The following DNA2 variants were observed in gnomAD, a reference collection of about 807,000 sequenced individuals.
DNA2 encodes DNA replication helicase/nuclease 2, also known as DNA replication ATP-dependent helicase/nuclease DNA2.
A neutral mutation model predicts 119.1 loss-of-function variants in DNA2; 101 were observed. That is an observed-to-expected ratio of 0.85 (90% CI 0.72 to 1.00). The LOEUF (loss-of-function observed/expected upper bound fraction) is 1.00. Ranked by LOEUF, DNA2 falls within the 50% of genes least tolerant of loss-of-function variation. The pLI, the probability that DNA2 is intolerant of heterozygous loss-of-function variation, is 0.00. For missense variants in DNA2, 1,121 were observed against 1,255.5 expected (o/e 0.89, Z 1.62); for synonymous variants, 366 against 424.4 (o/e 0.86, Z 1.69).
chr10:68,431,968 A>T lies in DNA2; in HGVS notation c.1877T>A (p.Leu626Ter). ...KDTVACILKG[L>*]NKPQRQAMKK... ...CATCGCTTGCCTCTGAGGCTTATTCAAACCTACATTTAAATTCAAAAATAA... is the reference window on the plus strand; with the variant it reads ...CATCGCTTGCCTCTGAGGCTTATTCTAACCTACATTTAAATTCAAAAATAA... The change falls in exon 13 of 21, where the codon TTG becomes TAG. Residue 626 changes from leucine (L) to a stop codon, truncating the protein, a stop_gained. Coordinates refer to ENST00000358410, the MANE Select transcript of DNA2 (RefSeq NM_001080449.3). LOFTEE classifies it high-confidence loss of function. 6.3e-7 allele frequency: 1 copy of T among 1,597,102 alleles called. No homozygotes were observed. The highest frequency in any genetic ancestry group is 1.1e-5 in the South Asian group (1 of 88,526).
At chr10:68,454,945 T>A (rs1291514005) in intron 5 of DNA2, among the ~76,000 whole-genome samples, 4 of 151,376 alleles carry the variant, frequency 2.6e-5, no homozygotes, top group Non-Finnish European at 4.4e-5. Context: ...TTAGGATTTT[T>A]TTTTTTTTTT....
chr10:68,439,455 C>T (rs750606053), intron 9 of DNA2, among the ~76,000 whole-genome samples: 1 of 152,100 alleles, frequency 6.6e-6, no homozygotes, highest in African/African-American at 2.4e-5. Flanking sequence ...AATCCCAGCA[C>T]TCTGGGAGGC....
intron 4 of DNA2, chr10:68,461,537 GA>G (rs149674568): frequency 2.6e-5 from 4 of 151,512 alleles, no homozygotes; most frequent in Non-Finnish European, 5.9e-5. Flanking sequence ...AAGAAAGAAA[GA>G]AAAAAAATGG....
At chr10:68,449,867 C>CATTGT (rs2133413280) in intron 6 of DNA2, among the ~76,000 whole-genome samples, 161 bp downstream of exon 6, 1 of 151,410 alleles carries the variant, frequency 6.6e-6, no homozygotes, top group South Asian at 2.1e-4. Context: ...GAGCTGAGAT[C>CATTGT]ACACCATTGC....
chr10:68,424,772 CCAGGTGTA>C (rs1417921978), intron 14 of DNA2: 2 of 1,365,134 alleles, frequency 1.5e-6, no homozygotes, highest in Admixed American at 3.4e-5. Flanking sequence ...GCAAGGTAGT[CCAGGTGTA>C]CAGAAAGAAA....
At position 68,416,537 on chromosome 10, in the gene DNA2, G is replaced by A. The variant is rs2051591655; in HGVS notation, c.3114+172C>T. 9 of 586,918 alleles carry A rather than the reference G, an allele frequency of 1.5e-5. 1 individual carries two copies. The highest frequency in any genetic ancestry group is 2.8e-5 in the East Asian group (1 of 35,774). The allele number at this position is 586,918 out of a possible 1,614,324, so 36.4% of individuals were successfully genotyped here. A position where few individuals can be genotyped will look rare whatever the true frequency, so the allele number is the denominator to read the frequency against. ...AAAAAAGGGTTATAGGCTGGGGGCC[G>A]TGGCTCACATCTGTAATCACAGCAC... On this transcript the variant is annotated intron_variant, in intron 20 of 20. Transcript: ENST00000358410.
chr10:68,459,198 CTTGTT>C lies in DNA2; in HGVS notation c.620_624del (p.Lys207ArgfsTer11). On this transcript the variant is annotated frameshift_variant, in exon 5 of 21. Coordinates refer to ENST00000358410, the MANE Select transcript of DNA2 (RefSeq NM_001080449.3). LOFTEE classifies it high-confidence loss of function. ...AACGAAGGAAGATAGTCCTCTACTTCTTGTTTTATTTCATCTTGACTTAGATTTAA... is the reference window on the plus strand; with the variant it reads ...AACGAAGGAAGATAGTCCTCTACTTCTTATTTCATCTTGACTTAGATTTAA... 1 of 1,567,594 alleles carries C rather than the reference CTTGTT, an allele frequency of 6.4e-7. No homozygotes were observed. Among genetic ancestry groups the C allele is most frequent in the Non-Finnish European group, 8.7e-7 (1 of 1,155,332 alleles).
chr10:68,416,619 G>T, intron 20 of DNA2, 90 bp downstream of exon 20: 1 of 1,342,724 alleles, frequency 7.4e-7, no homozygotes, highest in Non-Finnish European at 1.1e-6. Context: ...ACCAGCTTAA[G>T]CAACATAGTG....
In DNA2 at chr10:68,422,381, C is replaced by A; in HGVS notation, c.2541G>T (p.Glu847Asp). The A allele has an allele frequency of 1.2e-6, 2 of 1,613,984 alleles. No homozygotes were observed. The highest frequency in any genetic ancestry group is 2.2e-5 in the South Asian group (2 of 91,070). ...CATTGGCCACTTTGTCTGATCCACACTCCAGCTTGCCCTCATAGGTCAGCT... is the reference window on the plus strand; with the variant it reads ...CATTGGCCACTTTGTCTGATCCACAATCCAGCTTGCCCTCATAGGTCAGCT... ...SNKLTYEGKL[E>D]CGSDKVANAV... Residue 847 changes from glutamate to aspartate, a missense_variant, in exon 17 of 21, where the codon GAG becomes GAT. Transcript: ENST00000358410.
chr10:68,460,166 G>A (rs2052238246), intron 4 of DNA2, among the ~76,000 whole-genome samples: 1 of 151,684 alleles, frequency 6.6e-6, no homozygotes, highest in Non-Finnish European at 1.5e-5. Context: ...GAGTGTAGTA[G>A]CGCTATCTCG....
chr10:68,418,930 C>T (rs1564875508), intron 19 of DNA2, 104 bp downstream of exon 19: 2 of 1,072,906 alleles, frequency 1.9e-6, no homozygotes, highest in Non-Finnish European at 2.6e-6. Context: ...GCCTTGGCCT[C>T]CCAGGGGGCT....
chr10:68,420,856 G>C (rs2051655070), intron 17 of DNA2, among the ~76,000 whole-genome samples: 1 of 152,032 alleles, frequency 6.6e-6, no homozygotes, highest in African/African-American at 2.4e-5. Flanking sequence ...GTCTTCATGT[G>C]CATATGTGGG....
chr10:68,419,730 G>T, intron 18 of DNA2, 73 bp downstream of exon 18: 1 of 1,139,420 alleles, frequency 8.8e-7, no homozygotes, highest in Non-Finnish European at 1.3e-6. Flanking sequence ...ATGCCAGATT[G>T]TAAGTGTCTT....
At chr10:68,457,099 A>C (rs1041680735) in intron 5 of DNA2, among the ~76,000 whole-genome samples, 3 of 150,594 alleles carry the variant, frequency 2.0e-5, no homozygotes, top group East Asian at 2.0e-4. Flanking sequence ...GCGCCACTGC[A>C]CTCCAGCCTG....
chr10:68,465,018 A>ATT (rs200815175), intron 4 of DNA2, among the ~76,000 whole-genome samples: 2,194 of 126,726 alleles, frequency 0.017, 85 homozygotes, highest in African/African-American at 0.063. Flanking sequence ...GTAAAGCTGC[A>ATT]TTTTTTTTTT....
chr10:68,435,286 C>T (rs561029948), intron 10 of DNA2, among the ~76,000 whole-genome samples: 8 of 151,918 alleles, frequency 5.3e-5, no homozygotes, highest in Non-Finnish European at 8.8e-5. Context: ...TGGTCTCAAG[C>T]GATATACCCA....
intron 14 of DNA2, among the ~76,000 whole-genome samples, chr10:68,428,601 A>C (rs1048379273): frequency 6.6e-6 from 1 of 152,238 alleles, no homozygotes; most frequent in Non-Finnish European, 1.5e-5. Context: ...GGTTAAACAC[A>C]ATGCAGTACA....
chr10:68,415,300 G>C (rs1021300945), intron 20 of DNA2, among the ~76,000 whole-genome samples, 193 bp from the exon 21 acceptor site: 5 of 148,406 alleles, frequency 3.4e-5, no homozygotes, highest in Non-Finnish European at 5.9e-5. Context: ...TTCTGAGATG[G>C]AGTTTCACTC....
chr10:68,416,964 C>T, intron 19 of DNA2, 109 bp from the exon 20 acceptor site: 1 of 966,672 alleles, frequency 1.0e-6, no homozygotes, highest in South Asian at 1.8e-5. Flanking sequence ...TAGAATGAGG[C>T]CAGGTGTAGT....
Sources: gnomAD v4.1 joint callset for allele counts (sites outside exome capture counted in the v4.1 genomes callset) on GRCh38, gnomAD v4.1.1 for gene constraint, MANE v1.5 for transcripts, NCBI Gene and HGNC (gene_info 2026-07-23, HGNC 2026-07-21) for gene names.